Variants in NAV1 observed in about 807,000 individuals in gnomAD.
NAV1 encodes neuron navigator 1.
Under a neutral mutation model 175.2 loss-of-function variants are expected in NAV1, and 18 were observed. The ratio of observed to expected loss-of-function variants is 0.10; its 90% CI spans 0.07 to 0.15. The LOEUF (loss-of-function observed/expected upper bound fraction) is 0.15, where lower values mean the gene tolerates loss of function less well. NAV1 is among the 10% of genes least tolerant of loss of function. The pLI is 1.00. For synonymous variants in NAV1, 897 were observed against 978.7 expected, an observed-to-expected ratio of 0.92 and a Z score of 1.56; for missense variants, 1,731 against 2,436.6, an observed-to-expected ratio of 0.71 and a Z score of 6.10.
chr1:201,615,776 C>T (rs951700057), intron 2 of NAV1, among the ~76,000 whole-genome samples: 1 of 152,226 alleles, frequency 6.6e-6, no homozygotes, highest in African/African-American at 2.4e-5. Flanking sequence ...AGCCTTTACT[C>T]TTTCCATGAC....
exon 30 of NAV1, chr1:201,826,361 T>C (rs932951970): frequency 6.6e-6 from 1 of 152,230 alleles, no homozygotes; most frequent in Non-Finnish European, 1.5e-5. Flanking sequence ...GCAGCCAGTC[T>C]CTAGGCTACT....
intron 3 of NAV1, among the ~76,000 whole-genome samples, chr1:201,742,058 G>T (rs546056011): frequency 4.6e-5 from 7 of 152,318 alleles, no homozygotes; most frequent in African/African-American, 1.7e-4. Context: ...CAGGTCAATT[G>T]CTATTGGTAG....
At chr1:201,786,575 T>C (rs779925821) in exon 9 of NAV1, 1 of 1,612,240 alleles carries the variant, frequency 6.2e-7, no homozygotes, top group Non-Finnish European at 8.5e-7. Flanking sequence ...CTTACCAACA[T>C]AGGTTAGTGT....
intron 3 of NAV1, chr1:201,739,660 C>T (rs1322005650): frequency 4.3e-6 from 2 of 469,784 alleles, no homozygotes; most frequent in African/African-American, 4.1e-5. Flanking sequence ...AGGTGGAGGT[C>T]GAGCCCCCAG....
chr1:201,602,973 C>T (rs888673748), intron 2 of NAV1, among the ~76,000 whole-genome samples: 1 of 152,180 alleles, frequency 6.6e-6, no homozygotes, highest in Admixed American at 6.5e-5. Context: ...ATTTAGAGTA[C>T]TGGGGGCGAG....
intron 1 of NAV1, among the ~76,000 whole-genome samples, chr1:201,542,885 G>T (rs1013916906): frequency 4.6e-5 from 7 of 152,214 alleles, no homozygotes; most frequent in African/African-American, 1.4e-4. Flanking sequence ...TGCTCTGAAA[G>T]CTTTCATAAA....
intron 1 of NAV1, among the ~76,000 whole-genome samples, chr1:201,658,538 G>C (rs532486677): frequency 8.4e-4 from 128 of 152,288 alleles, no homozygotes; most frequent in African/African-American, 3.0e-3. Context: ...GTCCTGTCTG[G>C]CTTAGAGAGA....
chr1:201,673,456 A>C (rs1670125929), intron 1 of NAV1: 1 of 152,254 alleles, frequency 6.6e-6, no homozygotes, highest in African/African-American at 2.4e-5. Context: ...TCAGCCTCCC[A>C]AAAAATGAAA....
intron 1 of NAV1, among the ~76,000 whole-genome samples, chr1:201,542,147 C>T (rs964744493): frequency 3.9e-5 from 6 of 152,166 alleles, no homozygotes; most frequent in African/African-American, 1.2e-4. Flanking sequence ...TGCAGAAGCC[C>T]GCCTAGAATG....
chr1:201,638,292 G>C (rs947873529), intron 2 of NAV1, among the ~76,000 whole-genome samples: 1 of 152,196 alleles, frequency 6.6e-6, no homozygotes, highest in Non-Finnish European at 1.5e-5. Context: ...ATAGGTCATG[G>C]GGCTGAGCTA....
intron 1 of NAV1, among the ~76,000 whole-genome samples, chr1:201,586,156 T>C (rs1360176608): frequency 1.3e-5 from 2 of 152,118 alleles, no homozygotes; most frequent in East Asian, 3.8e-4. Flanking sequence ...TTCTCATATA[T>C]GCTACAACAT....
chr1:201,728,883 G>A (rs1170790905), intron 3 of NAV1, among the ~76,000 whole-genome samples: 2 of 152,264 alleles, frequency 1.3e-5, no homozygotes, highest in Non-Finnish European at 2.9e-5. Flanking sequence ...AGGTATTCCA[G>A]AGGGGCTGCT....
intron 3 of NAV1, among the ~76,000 whole-genome samples, chr1:201,744,601 C>T (rs1415988017): frequency 2.0e-5 from 3 of 152,100 alleles, no homozygotes; most frequent in African/African-American, 4.8e-5. Context: ...CAGCAAGTAA[C>T]TGTGATACCA....
At chr1:201,664,642 C>T (rs567078745) in intron 1 of NAV1, among the ~76,000 whole-genome samples, 86 of 152,352 alleles carry the variant, frequency 5.6e-4, no homozygotes, top group African/African-American at 2.0e-3. Context: ...TGGCAGCTCC[C>T]TGTCCTGATG....
chr1:201,689,024 A>G (rs893568221), intron 1 of NAV1, among the ~76,000 whole-genome samples: 8 of 152,230 alleles, frequency 5.3e-5, no homozygotes, highest in Non-Finnish European at 1.2e-4. Flanking sequence ...CAGTTATCAA[A>G]TTAACCAGGT....
rs1205677167 is a variant in NAV1, at chr1:201,740,142, C to T, written c.1226+21387C>T. The T allele has an allele frequency of 7.0e-6, 9 of 1,286,724 alleles. No homozygotes were observed. Among genetic ancestry groups the T allele is most frequent in the African/African-American group, 1.6e-5 (1 of 64,370 alleles). The allele number at this position is 1,286,724 out of a possible 1,614,324, so 79.7% of individuals were successfully genotyped here. On this transcript the variant is annotated intron_variant, in intron 3 of 29. Coordinates refer to ENST00000367296, the Ensembl canonical transcript of NAV1. The surrounding 1 kb of genome is among the most constrained non-coding windows in gnomAD (Gnocchi z 4.7). ...GAGCTGGGGTCGGGTTTGTGGCACC[C>T]CCAGCCCCGCCGCAGCCCCCCAGTT...
At chr1:201,716,872 T>C (rs969521240) in intron 2 of NAV1, among the ~76,000 whole-genome samples, 4 of 152,296 alleles carry the variant, frequency 2.6e-5, no homozygotes, top group Non-Finnish European at 4.4e-5. Context: ...AGTGAGACCC[T>C]GTCTCAAAAA....
chr1:201,734,499 GAGA>G (rs60196611), intron 3 of NAV1, among the ~76,000 whole-genome samples: 18,877 of 121,114 alleles, frequency 0.16, 1,776 homozygotes, highest in East Asian at 0.37. Context: ...GAAGGAGAAG[GAGA>G]AGAAGAAGAA....
intron 1 of NAV1, among the ~76,000 whole-genome samples, chr1:201,672,753 A>G (rs906259434): frequency 3.3e-5 from 5 of 152,248 alleles, no homozygotes; most frequent in East Asian, 3.8e-4. Flanking sequence ...AAGAAAGCCT[A>G]TAAGAAGTCC....
Sources: allele counts gnomAD v4.1 joint callset (sites outside exome capture counted in the v4.1 genomes callset), GRCh38; gene constraint gnomAD v4.1.1; non-coding constraint Gnocchi (gnomAD v3.1); transcripts MANE v1.5; gene names NCBI Gene and HGNC (gene_info 2026-07-23, HGNC 2026-07-21).